Variants in COX10 observed in about 807,000 individuals in gnomAD.
COX10 encodes the protein cytochrome c oxidase assembly factor heme A:farnesyltransferase COX10, also known as protoheme IX farnesyltransferase, mitochondrial.
COX10 carries 27 observed loss-of-function variants against 37.3 expected under a neutral mutation model. The ratio of observed to expected loss-of-function variants is 0.72; its 90% CI spans 0.53 to 1.00. COX10 has a LOEUF of 1.00. COX10 is among the 50% of genes least tolerant of loss of function. The pLI, the probability that COX10 is intolerant of heterozygous loss-of-function variation, is 0.00. For missense variants in COX10, 475 were observed against 563.2 expected (o/e 0.84, Z 1.59); for synonymous variants, 222 against 229.1 (o/e 0.97, Z 0.28).
chr17:14,099,985 C>T (rs555412435), intron 3 of COX10, among the ~76,000 whole-genome samples: 1 of 152,190 alleles, frequency 6.6e-6, no homozygotes, highest in East Asian at 1.9e-4. Context: ...CTTTTCCATT[C>T]ATTCTTTTTT....
At position 14,206,937 on chromosome 17, in the gene COX10, G is replaced by T; in HGVS notation, c.1056G>T (p.Leu352=). The T allele has an allele frequency of 6.2e-7, 1 of 1,613,694 alleles. No individual in the cohort carries two copies. The highest frequency in any genetic ancestry group is 8.5e-7 in the Non-Finnish European group (1 of 1,179,830). The part of the protein sequence containing the change: ...YCMMSVTHPG[L]CRRVALRHCL... ...TGATGTCGGTCACCCACCCGGGCCT[G>T]TGCCGGCGCGTGGCGCTGCGCCACT... The change falls in exon 7 of 7, where the codon CTG becomes CTT. Residue 352 remains leucine (L), a synonymous_variant. Transcript: ENST00000261643.
intron 4 of COX10, among the ~76,000 whole-genome samples, chr17:14,127,264 G>A (rs1916362982): frequency 6.6e-6 from 1 of 152,122 alleles, no homozygotes; most frequent in South Asian, 2.1e-4. Flanking sequence ...ATTGTTAGAA[G>A]AATACTTTTC....
At chr17:14,108,940 G>A (rs1915956050) in intron 4 of COX10, among the ~76,000 whole-genome samples, 1 of 152,140 alleles carries the variant, frequency 6.6e-6, no homozygotes. Context: ...TAAATTTGAT[G>A]TTGTATTCTA....
intron 5 of COX10, among the ~76,000 whole-genome samples, chr17:14,167,207 T>C (rs1905315824): frequency 6.6e-6 from 1 of 152,186 alleles, no homozygotes; most frequent in African/African-American, 2.4e-5. Context: ...AAACAGACCC[T>C]AAAGATGTGA....
chr17:14,131,500 C>T lies in COX10; in HGVS notation c.625-28377C>T, dbSNP rs2142219651. Reference sequence around the variant, plus strand: ...TTTCTATAAGAAATGAATTTTCTCTCATTCATTCCAGTCCTGGCTTTTTGT... The same window carrying T: ...TTTCTATAAGAAATGAATTTTCTCTTATTCATTCCAGTCCTGGCTTTTTGT... On this transcript the variant is annotated intron_variant, in intron 4 of 6. Coordinates refer to ENST00000261643, the MANE Select transcript of COX10 (RefSeq NM_001303.4). 1.3e-5 allele frequency among the ~76,000 whole-genome samples: 2 copies of T among 152,006 alleles called. 1 individual carries two copies. The highest frequency in any genetic ancestry group is 4.1e-4 in the South Asian group (2 of 4,826).
chr17:14,207,338 T>A lies in COX10; in HGVS notation c.*125T>A. ...GATTATAAACGAATTCGGTGCTCAG[T>A]GATCACTTGACAGTTTTTTTTTTTT... On this transcript the variant is annotated 3_prime_UTR_variant, in exon 7 of 7. Coordinates refer to ENST00000261643, the MANE Select transcript of COX10 (RefSeq NM_001303.4). 1 of 1,279,880 alleles carries A rather than the reference T, an allele frequency of 7.8e-7. No homozygotes were observed. The highest frequency in any genetic ancestry group is 1.0e-6 in the Non-Finnish European group (1 of 967,016). 79.3% of individuals were successfully genotyped at this position (1,279,880 alleles called of 1,614,324 possible).
chr17:14,193,185 A>C (rs1174180926), intron 6 of COX10, among the ~76,000 whole-genome samples: 5 of 152,214 alleles, frequency 3.3e-5, no homozygotes, highest in Admixed American at 1.3e-4. Context: ...GTGTCAGCAA[A>C]GCGGTGGTGA....
chr17:14,171,242 T>C lies in COX10; in HGVS notation c.695+11295T>C, dbSNP rs1010605295. On this transcript the variant is annotated intron_variant, in intron 5 of 6. Coordinates refer to ENST00000261643, the MANE Select transcript of COX10 (RefSeq NM_001303.4). ...TAGAAAAGGGTGCTAGTTCCCAAGG[T>C]TGCAGAGAGGTAAATAACATGGTCT... Among the ~76,000 whole-genome samples the C allele has an allele frequency of 2.0e-5, 3 of 152,230 alleles. 1 individual carries two copies. The highest frequency in any genetic ancestry group is 4.4e-5 in the Non-Finnish European group (3 of 68,032).
chr17:14,070,633 A>AG (rs1474225842), intron 1 of COX10, among the ~76,000 whole-genome samples: 2 of 152,256 alleles, frequency 1.3e-5, no homozygotes, highest in Non-Finnish European at 2.9e-5. Context: ...AAGAGAAGCC[A>AG]GGGACTGCCT....
At chr17:14,194,986 G>T (rs568272647) in intron 6 of COX10, among the ~76,000 whole-genome samples, 8 of 152,272 alleles carry the variant, frequency 5.3e-5, no homozygotes, top group African/African-American at 1.7e-4. Flanking sequence ...CTATTACAGT[G>T]TATCCTTTTA....
At chr17:14,171,094 CTG>C (rs1905452257) in intron 5 of COX10, among the ~76,000 whole-genome samples, 1 of 151,976 alleles carries the variant, frequency 6.6e-6, no homozygotes, top group African/African-American at 2.4e-5. Flanking sequence ...AGAGTGAAAA[CTG>C]TGTTTCCATT....
At chr17:14,197,189 A>G (rs1330510389) in intron 6 of COX10, among the ~76,000 whole-genome samples, 1 of 149,900 alleles carries the variant, frequency 6.7e-6, no homozygotes, top group Non-Finnish European at 1.5e-5. Context: ...TATAGAAAAC[A>G]CTGTGCATTT....
chr17:14,144,249 T>C (rs1904642729), intron 4 of COX10, among the ~76,000 whole-genome samples: 1 of 152,176 alleles, frequency 6.6e-6, no homozygotes, highest in Non-Finnish European at 1.5e-5. Flanking sequence ...GCAGTAAATG[T>C]TCATGTTCTG....
intron 4 of COX10, 134 bp downstream of exon 4, chr17:14,102,376 G>A (rs1915804553): frequency 1.5e-6 from 2 of 1,353,682 alleles, no homozygotes; most frequent in South Asian, 2.5e-5. Flanking sequence ...TCCTATAGGA[G>A]CCTGTGGGTT....
chr17:14,094,722 T>C (rs1915605578), intron 3 of COX10, among the ~76,000 whole-genome samples: 1 of 152,254 alleles, frequency 6.6e-6, no homozygotes, highest in African/African-American at 2.4e-5. Flanking sequence ...TGCTTTGAAA[T>C]GTAAAGTCCA....
intron 4 of COX10, among the ~76,000 whole-genome samples, chr17:14,140,522 A>G (rs1232854724): frequency 6.6e-6 from 1 of 152,092 alleles, no homozygotes; most frequent in Non-Finnish European, 1.5e-5. Context: ...ATGTAGTTTC[A>G]GAAGTGGAAT....
intron 3 of COX10, among the ~76,000 whole-genome samples, chr17:14,095,362 G>C (rs909215562): frequency 4.6e-5 from 7 of 152,086 alleles, no homozygotes; most frequent in African/African-American, 1.4e-4. Context: ...TACTTACAGC[G>C]AACTCTGTTT....
intron 6 of COX10, among the ~76,000 whole-genome samples, chr17:14,195,142 T>A (rs553424419): frequency 6.6e-6 from 1 of 152,350 alleles, no homozygotes; most frequent in Non-Finnish European, 1.5e-5. Flanking sequence ...ACATAATGCT[T>A]TAAACTACTT....
chr17:14,176,915 T>A (rs1459899265), intron 5 of COX10, among the ~76,000 whole-genome samples: 12 of 152,164 alleles, frequency 7.9e-5, no homozygotes, highest in African/African-American at 2.9e-4. Flanking sequence ...TTGAAATAGT[T>A]ACAGTAAAAA....
Sources: gnomAD v4.1 joint callset for allele counts (sites outside exome capture counted in the v4.1 genomes callset) on GRCh38, gnomAD v4.1.1 for gene constraint, MANE v1.5 for transcripts, NCBI Gene and HGNC (gene_info 2026-07-23, HGNC 2026-07-21) for gene names.